DPP6: variants seen among roughly 807,000 people sequenced by gnomAD.
DPP6 encodes dipeptidyl peptidase like 6.
A neutral mutation model predicts 122.6 loss-of-function variants in DPP6; 69 were observed. That is an observed-to-expected ratio of 0.56 (90% confidence interval 0.46 to 0.69). DPP6 has a LOEUF of 0.69. Among genes scored for constraint, DPP6 ranks in the 30% least tolerant of loss-of-function variants. The probability of loss-of-function intolerance (pLI) is 0.00; values close to 1 mark genes in which losing one functional copy is unlikely to be tolerated. For missense variants in DPP6, 928 were observed against 1,116.9 expected (o/e 0.83, Z 2.41); for synonymous variants, 418 against 433.1 (o/e 0.97, Z 0.43).
chr7:153,941,792 A>G (rs1161478301), intron 1 of DPP6, among the ~76,000 whole-genome samples: 2 of 152,186 alleles, frequency 1.3e-5, no homozygotes, highest in East Asian at 1.9e-4. Flanking sequence ...TTCTGCATGG[A>G]TAATCAGAGG....
rs1473614491 is a variant in DPP6, at chr7:153,964,911, TTCC to T, written c.51+77179_51+77181del. 5.8e-4 allele frequency among the ~76,000 whole-genome samples: 43 copies of T among 73,628 alleles called. 1 individual carries two copies. Among genetic ancestry groups the T allele is most frequent in the African/African-American group, 4.2e-3 (41 of 9,854 alleles). The allele number at this position is 73,628 out of a possible 152,430, so 48.3% of individuals were successfully genotyped here. A position where few individuals can be genotyped will look rare whatever the true frequency, so the allele number is the denominator to read the frequency against. Reference sequence around the variant, plus strand: ...TTCCCTTTCTTTCCCTTCTTTTCTTTTCCTTTCTTTCTTTCTTTCTTTCTTTCT... The same window carrying T: ...TTCCCTTTCTTTCCCTTCTTTTCTTTTTTCTTTCTTTCTTTCTTTCTTTCT... On this transcript the variant is annotated intron_variant, in intron 1 of 25. Coordinates refer to the DPP6 transcript ENST00000404039.
At chr7:154,837,421 C>G (rs536253394) in intron 16 of DPP6, among the ~76,000 whole-genome samples, 28 of 143,302 alleles carry the variant, frequency 2.0e-4, no homozygotes, top group African/African-American at 6.6e-4. Context: ...CACGTGTATG[C>G]ATACAGACAC....
chr7:153,860,992 T>A, the DPP6 span, among the ~76,000 whole-genome samples: 1 of 152,182 alleles, frequency 6.6e-6, no homozygotes. Context: ...TGTTGTGAAA[T>A]TGCATTTTTA....
At chr7:154,328,708 A>G (rs1808656319) in intron 1 of DPP6, among the ~76,000 whole-genome samples, 1 of 152,194 alleles carries the variant, frequency 6.6e-6, no homozygotes, top group Non-Finnish European at 1.5e-5. Flanking sequence ...GGTTTACTTA[A>G]TGGAGGGTGT....
At chr7:153,863,205 T>G in the DPP6 span, among the ~76,000 whole-genome samples, 1 of 152,204 alleles carries the variant, frequency 6.6e-6, no homozygotes, top group African/African-American at 2.4e-5. Context: ...ATAAAAACCT[T>G]GTAAGCACTG....
rs1416499769 is a variant in DPP6, at chr7:154,735,523, G to A, written c.883+7636G>A. On this transcript the variant is annotated intron_variant, in intron 8 of 25. Transcript: ENST00000377770. ...ATCAAATAGCAATCATTCTGAGCAG[G>A]AGTCTGAATGCTTTGGGTATTTCAT... 2.6e-5 allele frequency among the ~76,000 whole-genome samples: 4 copies of A among 152,246 alleles called. No homozygotes were observed. In the East Asian group the frequency reaches 7.7e-4, roughly 29 times the overall value.
At position 154,575,297 on chromosome 7, in the gene DPP6, T is replaced by G. The variant is rs1415050440; in HGVS notation, c.627+8381T>G. On this transcript the variant is annotated intron_variant, in intron 5 of 25. Coordinates refer to ENST00000377770, the MANE Select transcript of DPP6 (RefSeq NM_130797.4). Reference sequence around the variant, plus strand: ...TGTATGTATGTGGTGTGTATGTGTGTGGGGGGTGTATGTGTGTGGTGTGTG... The same window carrying G: ...TGTATGTATGTGGTGTGTATGTGTGGGGGGGGTGTATGTGTGTGGTGTGTG... Among the ~76,000 whole-genome samples, 485 of 119,050 alleles carry G rather than the reference T, an allele frequency of 4.1e-3. 2 individuals are homozygous for G. Among genetic ancestry groups the G allele is most frequent in the Admixed American group, 0.015 (165 of 11,048 alleles). The allele number at this position is 119,050 out of a possible 152,430, so 78.1% of individuals were successfully genotyped here.
At chr7:154,382,685 T>C (rs1484299022) in intron 1 of DPP6, among the ~76,000 whole-genome samples, 2 of 152,240 alleles carry the variant, frequency 1.3e-5, no homozygotes, top group Non-Finnish European at 2.9e-5. Context: ...CCATAATTTT[T>C]CTTCCTTGTT....
intron 1 of DPP6, among the ~76,000 whole-genome samples, chr7:154,271,971 G>C (rs1803822037): frequency 6.6e-6 from 1 of 152,170 alleles, no homozygotes; most frequent in Non-Finnish European, 1.5e-5. Flanking sequence ...AAAACTCTTA[G>C]CTATGTGGAT....
intron 1 of DPP6, among the ~76,000 whole-genome samples, chr7:154,149,727 A>G (rs1157557473): frequency 6.6e-6 from 1 of 152,230 alleles, no homozygotes; most frequent in East Asian, 1.9e-4. Flanking sequence ...ATGAATCCCA[A>G]ATGTTATAGG....
chr7:154,174,693 A>G (rs911688516), intron 1 of DPP6, among the ~76,000 whole-genome samples: 4 of 147,762 alleles, frequency 2.7e-5, no homozygotes, highest in African/African-American at 7.6e-5. Context: ...CTCCAAGGTT[A>G]AACAATTTAT....
chr7:153,798,715 C>T, the DPP6 span, among the ~76,000 whole-genome samples: 1 of 152,148 alleles, frequency 6.6e-6, no homozygotes, highest in Non-Finnish European at 1.5e-5. Flanking sequence ...ATTATTATTA[C>T]ATTGTAATAT....
At chr7:154,219,672 A>C (rs1585661503) in intron 1 of DPP6, among the ~76,000 whole-genome samples, 1 of 151,296 alleles carries the variant, frequency 6.6e-6, no homozygotes, top group African/African-American at 2.4e-5. Context: ...TGCAACCTCC[A>C]CCTCCTGGGT....
At chr7:154,135,396 A>G (rs1795498373) in intron 1 of DPP6, among the ~76,000 whole-genome samples, 1 of 149,600 alleles carries the variant, frequency 6.7e-6, no homozygotes, top group African/African-American at 2.5e-5. Flanking sequence ...TCCTTTGAGC[A>G]TACACCTCCT....
At chr7:154,819,450 A>G (rs1320010139) in intron 16 of DPP6, among the ~76,000 whole-genome samples, 3 of 152,104 alleles carry the variant, frequency 2.0e-5, no homozygotes, top group Non-Finnish European at 2.9e-5. Flanking sequence ...AATTAATTCA[A>G]CTCAATAAAT....
At chr7:154,381,286 T>G (rs1261682040) in intron 1 of DPP6, among the ~76,000 whole-genome samples, 1 of 152,132 alleles carries the variant, frequency 6.6e-6, no homozygotes, top group Non-Finnish European at 1.5e-5. Context: ...GGGGGTGCCT[T>G]TTACTCCGTT....
intron 1 of DPP6, among the ~76,000 whole-genome samples, chr7:153,964,513 C>A (rs1238537168): frequency 2.6e-5 from 4 of 152,128 alleles, no homozygotes; most frequent in Admixed American, 6.5e-5. Context: ...GCCAGTGTTT[C>A]CACCCTGGGA....
At chr7:154,064,610 G>A (rs4067511) in intron 1 of DPP6, among the ~76,000 whole-genome samples, 1 of 152,148 alleles carries the variant, frequency 6.6e-6, no homozygotes. Context: ...CTGACATGAT[G>A]TTCCCAAAAC....
At chr7:154,240,908 C>A (rs1433972476) in intron 1 of DPP6, among the ~76,000 whole-genome samples, 1 of 152,086 alleles carries the variant, frequency 6.6e-6, no homozygotes, top group Non-Finnish European at 1.5e-5. Context: ...ATACTTCCAC[C>A]TTGACATGAT....
Sources: gnomAD v4.1 joint callset for allele counts (sites outside exome capture counted in the v4.1 genomes callset) on GRCh38, gnomAD v4.1.1 for gene constraint, MANE v1.5 for transcripts, NCBI Gene and HGNC (gene_info 2026-07-23, HGNC 2026-07-21) for gene names.